PLEKHH1: variants seen among roughly 807,000 people sequenced by gnomAD.
PLEKHH1 encodes pleckstrin homology domain-containing family H member 1.
In PLEKHH1, 104 loss-of-function variants were observed where a neutral mutation model predicts 160.0. The observed-to-expected ratio is 0.65, with a 90% confidence interval of 0.55 to 0.76. PLEKHH1 has a LOEUF of 0.76. PLEKHH1 is among the 30% of genes least tolerant of loss of function. The pLI, the probability that PLEKHH1 is intolerant of heterozygous loss-of-function variation, is 0.00. For missense variants in PLEKHH1, 1,427 were observed against 1,724.1 expected, an observed-to-expected ratio of 0.83 and a Z score of 3.05; for synonymous variants, 619 against 678.4, an observed-to-expected ratio of 0.91 and a Z score of 1.36.
At chr14:67,566,448 T>G (rs2035093375) in intron 7 of PLEKHH1, among the ~76,000 whole-genome samples, 2 of 151,966 alleles carry the variant, frequency 1.3e-5, no homozygotes, top group Admixed American at 1.3e-4. Flanking sequence ...TGTGATAGCT[T>G]AAGAGTAGGT....
chr14:67,575,835 T>C lies in PLEKHH1; in HGVS notation c.2182T>C (p.Cys728Arg). 1 of 1,613,588 alleles carries C rather than the reference T, an allele frequency of 6.2e-7. No individual in the cohort carries two copies. Among genetic ancestry groups the C allele is most frequent in the Admixed American group, 1.7e-5 (1 of 59,992 alleles). ...CTGCTGTCCACAGCGACCCCTGGGC[T>C]GCCTGCCTGTGCGGGATGCGCACAT... ...RSHEDKRPLG[C>R]LPVRDAHIEE... The change falls in exon 16 of 29, where the codon TGC becomes CGC. Residue 728 changes from cysteine to arginine, a missense_variant. Physicochemically the swap from Cys to Arg is radical, Grantham distance 180 (BLOSUM62 -3). Coordinates refer to ENST00000329153, the MANE Select transcript of PLEKHH1 (RefSeq NM_020715.3).
In PLEKHH1 at chr14:67,578,627, C is replaced by T; in HGVS notation, c.2845C>T (p.Pro949Ser). 1 of 1,598,680 alleles carries T rather than the reference C, an allele frequency of 6.3e-7. No homozygotes were observed. The highest frequency in any genetic ancestry group is 8.5e-7 in the Non-Finnish European group (1 of 1,170,284). ...GCAGCAGCTCCAACGCCATGCAGAT[C>T]CCAGGTGAGTGAACCTGGCCGTTTC... ...VKQQLQRHAD[P>S]RSETGQYATY... The change falls in exon 20 of 29, where the codon CCC (proline) becomes TCC (serine). Residue 949 changes from proline (P) to serine (S), a missense_variant. Around this residue, in one of 6 missense-constraint regions of PLEKHH1, gnomAD observed 436 missense variants for 607.5 expected, o/e 0.72. Transcript: ENST00000329153. This position sits in a 1 kb window ranked among gnomAD's most constrained non-coding sequence, Gnocchi z 5.0.
chr14:67,569,932 C>T lies in PLEKHH1; in HGVS notation c.1354C>T (p.Pro452Ser), dbSNP rs766156545. 6.2e-7 allele frequency: 1 copy of T among 1,607,458 alleles called. No individual in the cohort carries two copies. Among genetic ancestry groups the T allele is most frequent in the South Asian group, 1.1e-5 (1 of 89,856 alleles). Residue 452 changes from proline (P) to serine (S), a missense_variant, in exon 9 of 29, where the codon CCT (proline) becomes TCT (serine). By Grantham distance (74) the Pro-to-Ser change is moderately conservative. Around this residue, in one of 6 missense-constraint regions of PLEKHH1, gnomAD observed 831 missense variants for 929.2 expected, o/e 0.89. Transcript: ENST00000329153. ...SNTACCASSP[P>S]ALVSPGSFSG... ...TCTTCCCTGCTCAGCTTCAAGCCCT[C>T]CTGCCCTTGTTTCCCCTGGGTCTTT...
intron 7 of PLEKHH1, among the ~76,000 whole-genome samples, chr14:67,564,201 C>T (rs1266889780): frequency 1.3e-5 from 2 of 152,160 alleles, no homozygotes; most frequent in African/African-American, 4.8e-5. Flanking sequence ...CGGGGTTTCA[C>T]CATGTTGGCC....
At chr14:67,570,080 C>T in intron 9 of PLEKHH1, 68 bp downstream of exon 9, 1 of 1,096,378 alleles carries the variant, frequency 9.1e-7, no homozygotes, top group East Asian at 2.5e-5. Context: ...CATCCAATGA[C>T]TGGGGCGGGG....
At chr14:67,577,955 C>A in intron 18 of PLEKHH1, 68 bp from the exon 19 acceptor site, 1 of 1,465,048 alleles carries the variant, frequency 6.8e-7, no homozygotes, top group Non-Finnish European at 9.4e-7. Context: ...TGGAAAATGG[C>A]CAAGCCGTTG....
intron 5 of PLEKHH1, among the ~76,000 whole-genome samples, chr14:67,561,716 C>T (rs990692872): frequency 6.0e-5 from 9 of 150,816 alleles, no homozygotes; most frequent in African/African-American, 1.5e-4. Flanking sequence ...AAAAAATAAA[C>T]GAAATTAACT....
intron 4 of PLEKHH1, 84 bp from the exon 5 acceptor site, chr14:67,559,524 G>A (rs2034735472): frequency 1.1e-6 from 1 of 871,120 alleles, no homozygotes; most frequent in East Asian, 2.6e-5. Flanking sequence ...ACGCACACTT[G>A]GCCTTTCTTG....
In PLEKHH1 at chr14:67,588,206, A is replaced by C. The variant is rs1566772170; in HGVS notation, c.*971A>C. On this transcript the variant is annotated 3_prime_UTR_variant, in exon 29 of 29. Transcript: ENST00000329153. ...AAGGGCAGGAGGTAGGTCCAATCTGACCCCTCCCTGTCTCATTTTAATGAC... is the reference window on the plus strand; with the variant it reads ...AAGGGCAGGAGGTAGGTCCAATCTGCCCCCTCCCTGTCTCATTTTAATGAC... 6.6e-6 allele frequency: 1 copy of C among 152,296 alleles called. No individual in the cohort carries two copies. The highest frequency in any genetic ancestry group is 1.5e-5 in the Non-Finnish European group (1 of 67,974). 9.4% of individuals were successfully genotyped at this position (152,296 alleles called of 1,614,324 possible).
Position 67,573,340 on chromosome 14 carries a change from G to C in PLEKHH1, c.1793G>C (p.Arg598Pro). ...AGCCAGGTGAAGACGTGGAAGAGGC[G>C]CTGGTTTGTCCTGAGACAGGGACAG... ...MGSQVKTWKRRWFVLRQGQIM... is the reference protein window; with the variant it reads ...MGSQVKTWKRPWFVLRQGQIM... Residue 598 changes from arginine (R) to proline (P), a missense_variant, in exon 12 of 29, where the codon CGC (arginine) becomes CCC (proline). Arg to Pro is a moderately radical substitution (Grantham distance 103). Coordinates refer to ENST00000329153, the MANE Select transcript of PLEKHH1 (RefSeq NM_020715.3). The surrounding 1 kb of genome is among the most constrained non-coding windows in gnomAD (Gnocchi z 4.8). 3 of 1,613,640 alleles carry C rather than the reference G, an allele frequency of 1.9e-6. No individual in the cohort carries two copies. Among genetic ancestry groups the C allele is most frequent in the Non-Finnish European group, 2.5e-6 (3 of 1,179,650 alleles).
intron 5 of PLEKHH1, 85 bp from the exon 6 acceptor site, chr14:67,561,869 C>CAAAAA: frequency 1.3e-6 from 1 of 755,736 alleles, no homozygotes; most frequent in Non-Finnish European, 2.0e-6. Flanking sequence ...GACCCTGTCT[C>CAAAAA]AAAAAAAAAA....
intron 1 of PLEKHH1, among the ~76,000 whole-genome samples, chr14:67,537,382 A>C (rs12590691): frequency 2.1e-5 from 2 of 93,446 alleles, no homozygotes; most frequent in South Asian, 3.4e-4. Flanking sequence ...ATAATAATAA[A>C]AACTTAATCT....
chr14:67,585,598 C>G lies in PLEKHH1; in HGVS notation c.3730C>G (p.Leu1244Val), dbSNP rs1283255070. 3 of 1,585,728 alleles carry G rather than the reference C, an allele frequency of 1.9e-6. No individual in the cohort carries two copies. Among genetic ancestry groups the G allele is most frequent in the South Asian group, 1.2e-5 (1 of 86,652 alleles). The change falls in exon 27 of 29, where the codon CTG (leucine) becomes GTG (valine). Residue 1244 changes from leucine to valine, a missense_variant. Physicochemically the swap from Leu to Val is conservative, Grantham distance 32. Transcript: ENST00000329153. ...PAQLSSKENA[L>V]VWIAVNEDGV... ...CCAGCTGTCTTCCAAGGAGAACGCT[C>G]TGGTGTGGATTGCTGTGAATGAGGA...
chr14:67,555,980 A>G, intron 3 of PLEKHH1, 93 bp downstream of exon 3: 2 of 1,481,758 alleles, frequency 1.3e-6, no homozygotes, highest in Non-Finnish European at 1.8e-6. Flanking sequence ...CACATACATC[A>G]CCAGCAGTAC....
intron 11 of PLEKHH1, among the ~76,000 whole-genome samples, chr14:67,572,834 G>T (rs1827148703): frequency 6.6e-6 from 1 of 152,146 alleles, no homozygotes; most frequent in Non-Finnish European, 1.5e-5. Context: ...CTCCAGTCCT[G>T]CCTGGCTGAT....
At chr14:67,538,702 G>A (rs2033843390) in intron 1 of PLEKHH1, among the ~76,000 whole-genome samples, 1 of 152,124 alleles carries the variant, frequency 6.6e-6, no homozygotes, top group Non-Finnish European at 1.5e-5. Flanking sequence ...CACATGCTGA[G>A]GCAAGCCAAG....
In PLEKHH1 at chr14:67,573,682, A is replaced by G. The variant is rs1409139577; in HGVS notation, c.1840-119A>G. ...ATAAGTCACCCATCATAACACAGCCAGAATGCTGGGAATCATGTTTCCCTT... is the reference window on the plus strand; with the variant it reads ...ATAAGTCACCCATCATAACACAGCCGGAATGCTGGGAATCATGTTTCCCTT... On this transcript the variant is annotated intron_variant, in intron 12 of 28. Coordinates refer to ENST00000329153, the MANE Select transcript of PLEKHH1 (RefSeq NM_020715.3). This position sits in a 1 kb window ranked among gnomAD's most constrained non-coding sequence, Gnocchi z 4.8. 14 of 752,640 alleles carry G rather than the reference A, an allele frequency of 1.9e-5. No homozygotes were observed. Among genetic ancestry groups the G allele is most frequent in the Non-Finnish European group, 3.1e-5 (13 of 417,846 alleles). 46.6% of individuals were successfully genotyped at this position (752,640 alleles called of 1,614,324 possible).
At chr14:67,577,941 C>T (rs1323423450) in intron 18 of PLEKHH1, 82 bp from the exon 19 acceptor site, 6 of 1,293,004 alleles carry the variant, frequency 4.6e-6, no homozygotes, top group Non-Finnish European at 5.5e-6. Context: ...CTCCCTGGAG[C>T]CCTTGGAAAA....
chr14:67,568,387 C>T (rs891131172), intron 7 of PLEKHH1, among the ~76,000 whole-genome samples: 29 of 152,010 alleles, frequency 1.9e-4, no homozygotes, highest in African/African-American at 7.0e-4. Context: ...CAAGTGGGAG[C>T]TGGACAATGA....
Sources: gnomAD v4.1 joint callset for allele counts (sites outside exome capture counted in the v4.1 genomes callset) on GRCh38, gnomAD v4.1.1 for gene constraint, gnomAD v4.1.1 regional missense constraint, Gnocchi (gnomAD v3.1) non-coding constraint, MANE v1.5 for transcripts, NCBI Gene and HGNC (gene_info 2026-07-23, HGNC 2026-07-21) for gene names.